The following SYT1 variants were observed in gnomAD, a reference collection of about 807,000 sequenced individuals.
SYT1 encodes the protein synaptotagmin-1.
SYT1 carries 8 observed loss-of-function variants against 44.8 expected under a neutral mutation model. That is an observed-to-expected ratio of 0.18 (90% confidence interval 0.10 to 0.32). The LOEUF (loss-of-function observed/expected upper bound fraction) is 0.32. Ranked by LOEUF, SYT1 falls within the 10% of genes least tolerant of loss-of-function variation. The pLI is 1.00. For missense variants in SYT1, 286 were observed against 509.3 expected (o/e 0.56, Z 4.22); for synonymous variants, 154 against 188.8 (o/e 0.82, Z 1.51).
chr12:79,045,162 C>T (rs1873925571), intron 2 of SYT1, among the ~76,000 whole-genome samples: 1 of 152,200 alleles, frequency 6.6e-6, no homozygotes, highest in African/African-American at 2.4e-5. Context: ...GTTCGAGCTT[C>T]CCGGCTGCTT....
chr12:79,043,484 T>A (rs1873751013), intron 2 of SYT1, among the ~76,000 whole-genome samples: 1 of 149,884 alleles, frequency 6.7e-6, no homozygotes, highest in Admixed American at 6.7e-5. Flanking sequence ...GCTTGGTAGA[T>A]CTTCCTCCAT....
intron 1 of SYT1, among the ~76,000 whole-genome samples, chr12:78,893,711 A>G (rs959714895): frequency 6.6e-6 from 1 of 151,806 alleles, no homozygotes; most frequent in Non-Finnish European, 1.5e-5. Flanking sequence ...CTAAAAAGAT[A>G]GGTTTAAGGC....
intron 9 of SYT1, among the ~76,000 whole-genome samples, chr12:79,372,146 C>T (rs1462253267): frequency 6.6e-6 from 1 of 152,144 alleles, no homozygotes; most frequent in Non-Finnish European, 1.5e-5. Flanking sequence ...ATTCGTGGCT[C>T]TTTCTCTGTG....
At chr12:78,973,780 T>C (rs1194276295) in intron 1 of SYT1, among the ~76,000 whole-genome samples, 1 of 151,104 alleles carries the variant, frequency 6.6e-6, no homozygotes, top group East Asian at 1.9e-4. Flanking sequence ...ATTCAAGATG[T>C]ATTTACTGAG....
intron 2 of SYT1, among the ~76,000 whole-genome samples, chr12:78,983,088 GT>G (rs202237863): frequency 0.076 from 11,146 of 146,898 alleles, 506 homozygotes; most frequent in East Asian, 0.15. Context: ...CTTCTTCCAA[GT>G]TTTTTTTTTT....
At chr12:79,160,826 A>T (rs1870902958) in intron 3 of SYT1, among the ~76,000 whole-genome samples, 7 of 152,144 alleles carry the variant, frequency 4.6e-5, no homozygotes, top group Admixed American at 4.6e-4. Flanking sequence ...ATAAAGAAAT[A>T]GTAAAGGTTT....
At chr12:78,922,808 C>T (rs1340926688) in intron 1 of SYT1, among the ~76,000 whole-genome samples, 2 of 151,978 alleles carry the variant, frequency 1.3e-5, no homozygotes, top group Non-Finnish European at 2.9e-5. Context: ...CTTTTCAGTA[C>T]TTTATTTCAT....
intron 1 of SYT1, among the ~76,000 whole-genome samples, chr12:78,933,900 G>T (rs945900275): frequency 8.0e-6 from 1 of 125,784 alleles, no homozygotes; most frequent in African/African-American, 3.2e-5. Context: ...TTGTGTGTTT[G>T]TCTGTTTGGT....
intron 1 of SYT1, among the ~76,000 whole-genome samples, chr12:78,973,605 G>T (rs1222713692): frequency 6.6e-6 from 1 of 152,008 alleles, no homozygotes; most frequent in Non-Finnish European, 1.5e-5. Flanking sequence ...TCAACCTAAA[G>T]AATGTTTTTA....
At chr12:79,200,503 A>G (rs1236735782) in intron 3 of SYT1, among the ~76,000 whole-genome samples, 1 of 152,146 alleles carries the variant, frequency 6.6e-6, no homozygotes, top group Non-Finnish European at 1.5e-5. Flanking sequence ...AGTCCTCTGA[A>G]ACTCAAAAGG....
chr12:78,887,434 A>C (rs1874811483), intron 1 of SYT1, among the ~76,000 whole-genome samples: 1 of 152,004 alleles, frequency 6.6e-6, no homozygotes, highest in South Asian at 2.1e-4. Flanking sequence ...TGACAAGGTG[A>C]AAGTTCTTGA....
chr12:78,937,898 G>GGTATGATTTTTAGGTAATTTA lies in SYT1; in HGVS notation c.-216-39900_-216-39899insTATGATTTTTAGGTAATTTAG, dbSNP rs1456620676. Among the ~76,000 whole-genome samples the GGTATGATTTTTAGGTAATTTA allele has an allele frequency of 3.3e-5, 5 of 152,064 alleles. No individual in the cohort carries two copies. In the East Asian group the frequency reaches 9.6e-4, roughly 29 times the overall value. Reference sequence around the variant, plus strand: ...ATATCTGCTTTTGGGATGCTGCTTAGGGTAATTAGGTATGATTTTCCAGTT... The same window carrying GGTATGATTTTTAGGTAATTTA: ...ATATCTGCTTTTGGGATGCTGCTTAGGTATGATTTTTAGGTAATTTAGGTAATTAGGTATGATTTTCCAGTT... On this transcript the variant is annotated intron_variant, in intron 1 of 10. Coordinates refer to ENST00000261205, the MANE Select transcript of SYT1 (RefSeq NM_005639.3).
At chr12:79,140,967 A>G (rs766328819) in intron 3 of SYT1, among the ~76,000 whole-genome samples, 24 of 152,320 alleles carry the variant, frequency 1.6e-4, no homozygotes, top group Admixed American at 2.6e-4. Flanking sequence ...AAAGCCATAC[A>G]GTGCCAAGAG....
intron 2 of SYT1, among the ~76,000 whole-genome samples, chr12:79,011,893 G>A (rs1372941747): frequency 6.6e-6 from 1 of 151,800 alleles, no homozygotes; most frequent in Non-Finnish European, 1.5e-5. Flanking sequence ...GCACTTTGCG[G>A]GGCTGAGGCG....
At chr12:79,086,683 C>T (rs891216600) in intron 3 of SYT1, among the ~76,000 whole-genome samples, 9 of 152,118 alleles carry the variant, frequency 5.9e-5, no homozygotes, top group African/African-American at 2.2e-4. Flanking sequence ...ACAAGTTAGC[C>T]ACTGAAGCAG....
At chr12:79,415,706 C>T (rs1032178405) in intron 9 of SYT1, among the ~76,000 whole-genome samples, 3 of 152,102 alleles carry the variant, frequency 2.0e-5, no homozygotes, top group African/African-American at 7.2e-5. Context: ...GGCAAGGGAA[C>T]CTATAACATA....
chr12:79,270,669 TAAACCAAG>T (rs1244458503), intron 4 of SYT1, among the ~76,000 whole-genome samples: 2 of 152,144 alleles, frequency 1.3e-5, no homozygotes, highest in African/African-American at 2.4e-5. Context: ...TGCCGTAGAT[TAAACCAAG>T]ATCCCAGTGA....
chr12:79,250,915 G>T (rs1877172340), intron 4 of SYT1, among the ~76,000 whole-genome samples: 1 of 152,062 alleles, frequency 6.6e-6, no homozygotes, highest in Non-Finnish European at 1.5e-5. Flanking sequence ...TCTACATGTT[G>T]GTTATCTGGC....
chr12:79,049,729 T>C (rs1044906303), intron 3 of SYT1, among the ~76,000 whole-genome samples: 1 of 152,018 alleles, frequency 6.6e-6, no homozygotes, highest in Non-Finnish European at 1.5e-5. Context: ...ATGAGTTTTA[T>C]GAATTGTATT....
Sources: gnomAD v4.1 joint callset for allele counts (sites outside exome capture counted in the v4.1 genomes callset) on GRCh38, gnomAD v4.1.1 for gene constraint, MANE v1.5 for transcripts, NCBI Gene and HGNC (gene_info 2026-07-23, HGNC 2026-07-21) for gene names.